MAPK8IP3: variants seen among roughly 807,000 people sequenced by gnomAD.
MAPK8IP3 encodes the protein mitogen-activated protein kinase 8 interacting protein 3.
A neutral mutation model predicts 157.8 loss-of-function variants in MAPK8IP3; 49 were observed. The observed-to-expected ratio is 0.31, with a 90% CI of 0.25 to 0.39. MAPK8IP3 has a LOEUF of 0.39. Among genes scored for constraint, MAPK8IP3 ranks in the 10% least tolerant of loss-of-function variants. The probability of loss-of-function intolerance (pLI) is 1.00; values close to 1 mark genes in which losing one functional copy is unlikely to be tolerated. For synonymous variants in MAPK8IP3, 897 were observed against 777.7 expected (o/e 1.15, Z -2.55); for missense variants, 1,478 against 1,889.4 (o/e 0.78, Z 4.04).
intron 10 of MAPK8IP3, among the ~76,000 whole-genome samples, chr16:1,759,706 C>T (rs140794986): frequency 4.5e-4 from 69 of 152,328 alleles, no homozygotes; most frequent in Non-Finnish European, 8.5e-4. Flanking sequence ...CATTCAGGGG[C>T]CTGCGTCCGG....
At chr16:1,728,888 TGA>T (rs1166401525) in intron 2 of MAPK8IP3, among the ~76,000 whole-genome samples, 1 of 146,160 alleles carries the variant, frequency 6.8e-6, no homozygotes, top group African/African-American at 2.6e-5. Flanking sequence ...TTCACAGAGC[TGA>T]GTGTTCTCCC....
At position 1,744,914 on chromosome 16, in the gene MAPK8IP3, T is replaced by C. The variant is rs560556321; in HGVS notation, c.747+1438T>C. 3.7e-5 allele frequency: 36 copies of C among 972,174 alleles called. 1 individual carries two copies. Among genetic ancestry groups the C allele is most frequent in the Middle Eastern group, 1.1e-3 (2 of 1,874 alleles). The allele number at this position is 972,174 out of a possible 1,614,324, so 60.2% of individuals were successfully genotyped here. A position where few individuals can be genotyped will look rare whatever the true frequency, so the allele number is the denominator to read the frequency against. ...GCTCTAGGTTTTGAAGTTTTTCTAA[T>C]TTCTTAATTTTTTTGTTGTTTTTTG... On this transcript the variant is annotated intron_variant, in intron 5 of 31. Coordinates refer to ENST00000610761, the MANE Select transcript of MAPK8IP3 (RefSeq NM_001318852.2).
In MAPK8IP3 at chr16:1,747,033, C is replaced by T; in HGVS notation, c.752C>T (p.Pro251Leu). Residue 251 changes from proline to leucine, a missense_variant, in exon 6 of 32, where the codon CCA (proline) becomes CTA (leucine). Coordinates refer to ENST00000610761, the MANE Select transcript of MAPK8IP3 (RefSeq NM_001318852.2). ...CCTCCCTGTGTTTGGCCTTAGTGTC[C>T]ACAGGATGAAATGTCCGAGTCAGGC... ...QLQSSSSYQCPQDEMSESGQS... is the reference protein window; with the variant it reads ...QLQSSSSYQCLQDEMSESGQS... 1 of 1,613,462 alleles carries T rather than the reference C, an allele frequency of 6.2e-7. No individual in the cohort carries two copies. Among genetic ancestry groups the T allele is most frequent in the Non-Finnish European group, 8.5e-7 (1 of 1,179,754 alleles).
intron 1 of MAPK8IP3, among the ~76,000 whole-genome samples, chr16:1,714,653 T>G (rs1303231667): frequency 6.6e-6 from 1 of 152,142 alleles, no homozygotes; most frequent in Non-Finnish European, 1.5e-5. Flanking sequence ...TCACCTTTCC[T>G]TCTCCCCAGG....
In MAPK8IP3 at chr16:1,743,983, G is replaced by GT. The variant is rs2040827370; in HGVS notation, c.747+508dup. The GT allele has an allele frequency of 1.0e-6, 1 of 997,530 alleles. No individual in the cohort carries two copies. The highest frequency in any genetic ancestry group is 1.2e-6 in the Non-Finnish European group (1 of 838,404). The allele number at this position is 997,530 out of a possible 1,614,324, so 61.8% of individuals were successfully genotyped here. ...CTGGGCCCCTCCCTGCCTGTCCCTG[G>GT]TAACGCCTCCTGGGTCCTGAGTTTG... On this transcript the variant is annotated intron_variant, in intron 5 of 31. Transcript: ENST00000610761. The surrounding 1 kb of genome is among the most constrained non-coding windows in gnomAD (Gnocchi z 5.6).
intron 4 of MAPK8IP3, among the ~76,000 whole-genome samples, chr16:1,737,339 AGCGTGACCGT>A (rs2040038000): frequency 1.4e-5 from 1 of 72,752 alleles, no homozygotes. Flanking sequence ...CATCCGTGTG[AGCGTGACCGT>A]CCGTGAGTGT....
chr16:1,748,803 A>G, intron 8 of MAPK8IP3, 83 bp downstream of exon 8: 1 of 1,241,032 alleles, frequency 8.1e-7, no homozygotes, highest in Non-Finnish European at 1.2e-6. Flanking sequence ...AATGAAAGGA[A>G]AGTCCTCTGT....
rs753369649 is a variant in MAPK8IP3, at chr16:1,764,156, C to CGTGCCG, written c.2077_2082dup (p.Pro693_Val694dup). On this transcript the variant is annotated inframe_insertion, in exon 18 of 32. Transcript: ENST00000610761. ...GCCAGGAGGACACGCGGATGAAGAACGTGCCGGTGCCGGTGTACTGCCGCC... is the reference window on the plus strand; with the variant it reads ...GCCAGGAGGACACGCGGATGAAGAACGTGCCGGTGCCGGTGCCGGTGTACTGCCGCC... The CGTGCCG allele has an allele frequency of 4.3e-6, 7 of 1,611,760 alleles. No homozygotes were observed. The highest frequency in any genetic ancestry group is 1.3e-5 in the African/African-American group (1 of 75,028).
rs779372225 is a variant in MAPK8IP3 at position 1,759,023 on chromosome 16, C to T, written c.1246+28C>T. 1.8e-5 allele frequency: 29 copies of T among 1,613,430 alleles called. No homozygotes were observed. The Admixed American group carries it at 2.0e-4, about 11-fold the overall frequency. The stretch of plus-strand genomic sequence containing the variant: ...AAGGCTGAGGCCCCGTTCCAGCGTG[C>T]GTCGCTCCTCCACCCCGACATGGTC... On this transcript the variant is annotated intron_variant, in intron 10 of 31. Transcript: ENST00000610761.
intron 19 of MAPK8IP3, among the ~76,000 whole-genome samples, chr16:1,764,755 G>A (rs890029851): frequency 6.6e-6 from 1 of 152,214 alleles, no homozygotes; most frequent in Non-Finnish European, 1.5e-5. Context: ...CCTCCCAGTG[G>A]TGGGAGGCTT....
chr16:1,765,275 T>C, intron 20 of MAPK8IP3, 97 bp downstream of exon 20: 1 of 1,388,014 alleles, frequency 7.2e-7, no homozygotes, highest in South Asian at 1.4e-5. Context: ...CTTCTCGGGG[T>C]GTCCTGTGGA....
chr16:1,768,813 AC>A lies in MAPK8IP3; in HGVS notation c.4008del (p.Glu1337SerfsTer13), dbSNP rs2141963068. 1 of 1,611,842 alleles carries A rather than the reference AC, an allele frequency of 6.2e-7. No individual in the cohort carries two copies. Among genetic ancestry groups the A allele is most frequent in the Non-Finnish European group, 8.5e-7 (1 of 1,179,660 alleles). On this transcript the variant is annotated frameshift_variant, in exon 32 of 32. Coordinates refer to ENST00000610761, the MANE Select transcript of MAPK8IP3 (RefSeq NM_001318852.2). LOFTEE classifies it high-confidence loss of function. ...SHIIVWQVSY[T>X]PE ...CATCATCGTGTGGCAGGTGTCCTAC[AC>A]CCCCGAGTGAAGCTGCTGCCCTGCC...
chr16:1,767,008 T>C (rs372552159), intron 25 of MAPK8IP3, 37 bp downstream of exon 25: 12 of 1,568,676 alleles, frequency 7.6e-6, no homozygotes, highest in Non-Finnish European at 1.0e-5. Flanking sequence ...GGGTGGCAGC[T>C]GATGGCCCTG....
chr16:1,737,377 AGT>A (rs2040047213), intron 4 of MAPK8IP3, among the ~76,000 whole-genome samples: 2 of 69,656 alleles, frequency 2.9e-5, no homozygotes, highest in African/African-American at 1.2e-4. Flanking sequence ...TCCGTGTGAG[AGT>A]GTGACCATCC....
At chr16:1,715,867 A>G (rs1956039559) in intron 1 of MAPK8IP3, among the ~76,000 whole-genome samples, 1 of 151,690 alleles carries the variant, frequency 6.6e-6, no homozygotes, top group Non-Finnish European at 1.5e-5. Flanking sequence ...CTGGGATCAC[A>G]GGCGCCCACC....
At chr16:1,712,775 G>A (rs1408575165) in intron 1 of MAPK8IP3, among the ~76,000 whole-genome samples, 1 of 152,166 alleles carries the variant, frequency 6.6e-6, no homozygotes, top group Non-Finnish European at 1.5e-5. Context: ...CCTCCCTCGG[G>A]GTTTATCTGG....
intron 1 of MAPK8IP3, among the ~76,000 whole-genome samples, chr16:1,711,851 A>G (rs1179564964): frequency 6.6e-6 from 1 of 151,608 alleles, no homozygotes; most frequent in African/African-American, 2.4e-5. Context: ...GAAGCAGGAG[A>G]ATCGCTTGAA....
intron 4 of MAPK8IP3, among the ~76,000 whole-genome samples, chr16:1,737,607 A>G (rs1460639740): frequency 1.5e-5 from 1 of 68,892 alleles, no homozygotes; most frequent in Admixed American, 1.9e-4. Flanking sequence ...TGAGCGTGTG[A>G]CCGTCCGTGT....
rs372631645 is a variant in MAPK8IP3, at chr16:1,764,204, C to T, written c.2115C>T (p.Thr705=). 1.3e-5 allele frequency: 21 copies of T among 1,610,740 alleles called. No individual in the cohort carries two copies. The highest frequency in any genetic ancestry group is 1.5e-5 in the Non-Finnish European group (18 of 1,179,076). Residue 705 remains threonine, a synonymous_variant, in exon 18 of 32, where the codon ACC becomes ACT. Transcript: ENST00000610761. ...GCCCTCTGGTGGAGAAGGACCCCAC[C>T]ATGAAGGTGAGCCCGCGAGGACCCC... is the stretch of plus-strand genomic sequence containing the variant. ...YCRPLVEKDP[T]MKLWCAAGVN...
Sources: gnomAD v4.1 joint callset for allele counts (sites outside exome capture counted in the v4.1 genomes callset) on GRCh38, gnomAD v4.1.1 for gene constraint, Gnocchi (gnomAD v3.1) non-coding constraint, MANE v1.5 for transcripts, NCBI Gene and HGNC (gene_info 2026-07-23, HGNC 2026-07-21) for gene names.